DLGAP2: variants seen among roughly 807,000 people sequenced by gnomAD.
The protein encoded by DLGAP2 is disks large-associated protein 2.
In DLGAP2, 26 loss-of-function variants were observed where a neutral mutation model predicts 100.3. The observed-to-expected ratio is 0.26, with a 90% CI of 0.19 to 0.36. The LOEUF (loss-of-function observed/expected upper bound fraction) is 0.36, where lower values mean the gene tolerates loss of function less well. DLGAP2 is among the 10% of genes least tolerant of loss of function. The pLI is 1.00. For missense variants in DLGAP2, 1,858 were observed against 1,453.2 expected (o/e 1.28, Z -4.53); for synonymous variants, 886 against 630.1 (o/e 1.41, Z -6.08).
intron 3 of DLGAP2, among the ~76,000 whole-genome samples, chr8:1,448,574 G>C (rs535110374): frequency 6.6e-6 from 1 of 152,140 alleles, no homozygotes; most frequent in African/African-American, 2.4e-5. Flanking sequence ...TTGATTTGGG[G>C]TGGAGAGTTC....
chr8:1,065,918 C>CTT (rs1277672993), intron 2 of DLGAP2, among the ~76,000 whole-genome samples: 1 of 152,220 alleles, frequency 6.6e-6, no homozygotes. Flanking sequence ...GGAGAATGCT[C>CTT]TGGGCCTGAC....
intron 2 of DLGAP2, among the ~76,000 whole-genome samples, chr8:1,257,332 C>T (rs1799246301): frequency 6.6e-6 from 1 of 152,130 alleles, no homozygotes. Flanking sequence ...CCTCAGAATC[C>T]CTTGTTGCCT....
At chr8:960,123 T>C (rs1009510252) in intron 2 of DLGAP2, among the ~76,000 whole-genome samples, 2 of 152,056 alleles carry the variant, frequency 1.3e-5, no homozygotes, top group African/African-American at 4.8e-5. Context: ...CACGGTTATG[T>C]TTCCAAAGAT....
intron 2 of DLGAP2, among the ~76,000 whole-genome samples, chr8:1,252,329 G>C (rs908491353): frequency 4.2e-5 from 6 of 144,202 alleles, no homozygotes; most frequent in Non-Finnish European, 7.9e-5. Context: ...GTTGTCCTGG[G>C]TCACGGTGTC....
At chr8:1,262,986 G>T (rs1205837535) in intron 3 of DLGAP2, among the ~76,000 whole-genome samples, 1 of 152,170 alleles carries the variant, frequency 6.6e-6, no homozygotes. Flanking sequence ...GATGCCTGGT[G>T]GGGCCGGGAG....
chr8:1,250,501 A>G (rs1160663773), intron 2 of DLGAP2: 1 of 152,170 alleles, frequency 6.6e-6, no homozygotes, highest in African/African-American at 2.4e-5. Flanking sequence ...GTCTTCTCTG[A>G]GGATAGCTGA....
chr8:1,164,170 G>T (rs58364891), intron 2 of DLGAP2, among the ~76,000 whole-genome samples: 1 of 57,076 alleles, frequency 1.8e-5, no homozygotes, highest in African/African-American at 6.7e-5. Flanking sequence ...CCCAGGGCCC[G>T]TCATTTTGGT....
intron 6 of DLGAP2, among the ~76,000 whole-genome samples, chr8:1,599,981 A>G (rs1227148271): frequency 6.6e-6 from 1 of 152,092 alleles, no homozygotes; most frequent in Non-Finnish European, 1.5e-5. Context: ...GGTCTTTACA[A>G]TTTGGTATGT....
chr8:1,548,486 C>T (rs1367244226), intron 4 of DLGAP2, 140 bp from the exon 5 acceptor site: 7 of 295,810 alleles, frequency 2.4e-5, no homozygotes, highest in African/African-American at 1.4e-4. Context: ...AAAAAAAAAC[C>T]CACAAATCTG....
chr8:739,763 GT>G (rs768890141), intron 1 of DLGAP2: 2 of 152,208 alleles, frequency 1.3e-5, no homozygotes, highest in African/African-American at 2.4e-5. Flanking sequence ...CTTCTGGATG[GT>G]GTGACTTTTT....
intron 2 of DLGAP2, among the ~76,000 whole-genome samples, chr8:1,195,481 G>A (rs2116741369): frequency 6.6e-6 from 1 of 152,322 alleles, no homozygotes; most frequent in East Asian, 1.9e-4. Context: ...TTTTCAGAAA[G>A]CACTACTGAG....
chr8:914,241 G>A (rs1229487950), intron 2 of DLGAP2, among the ~76,000 whole-genome samples: 3 of 152,112 alleles, frequency 2.0e-5, no homozygotes, highest in African/African-American at 4.8e-5. Context: ...AGCGAAGGCA[G>A]ATGCCCCGGA....
intron 2 of DLGAP2, among the ~76,000 whole-genome samples, chr8:1,121,358 C>T (rs546492601): frequency 3.2e-4 from 49 of 151,838 alleles, no homozygotes; most frequent in African/African-American, 1.1e-3. Context: ...CCAGTTAGAA[C>T]CCATGACCTG....
intron 12 of DLGAP2, among the ~76,000 whole-genome samples, chr8:1,682,613 T>C (rs951246204): frequency 4.6e-5 from 7 of 151,694 alleles, no homozygotes; most frequent in African/African-American, 1.7e-4. Context: ...TAGCTGGGAC[T>C]ACAGACACGC....
chr8:1,701,293 G>T lies in DLGAP2; in HGVS notation c.3055G>T (p.Ala1019Ser). ...CCTGCCCGACAGACAACGCCAGGAA[G>T]CCCGGAGGCGCCTCATGGCCGCCAA... ...LDLPDRQRQE[A>S]RRRLMAAKRA... Residue 1019 changes from alanine (A) to serine (S), a missense_variant, in exon 15 of 15, where the codon GCC becomes TCC. Ala to Ser is a moderately conservative substitution (Grantham distance 99, BLOSUM62 1). Coordinates refer to ENST00000637795, the MANE Select transcript of DLGAP2 (RefSeq NM_001346810.2). The T allele has an allele frequency of 6.3e-7, 1 of 1,584,474 alleles. No homozygotes were observed. Among genetic ancestry groups the T allele is most frequent in the Non-Finnish European group, 8.6e-7 (1 of 1,166,074 alleles).
chr8:745,390 A>G (rs1820593047), intron 1 of DLGAP2, among the ~76,000 whole-genome samples: 1 of 152,222 alleles, frequency 6.6e-6, no homozygotes, highest in Non-Finnish European at 1.5e-5. Flanking sequence ...TTGTCACTAT[A>G]ATTAGATTCA....
At chr8:1,196,811 A>C (rs528631823) in intron 2 of DLGAP2, among the ~76,000 whole-genome samples, 48 of 152,242 alleles carry the variant, frequency 3.2e-4, no homozygotes, top group African/African-American at 1.1e-3. Flanking sequence ...CAGGGGCGGT[A>C]ACTGCTCATC....
intron 1 of DLGAP2, among the ~76,000 whole-genome samples, chr8:808,754 G>A (rs751909250): frequency 6.6e-6 from 1 of 152,196 alleles, no homozygotes; most frequent in African/African-American, 2.4e-5. Flanking sequence ...ACGCTTGTGG[G>A]AGGCACCCAC....
intron 2 of DLGAP2, among the ~76,000 whole-genome samples, chr8:1,246,380 C>G (rs567413118): frequency 1.3e-5 from 2 of 152,274 alleles, no homozygotes; most frequent in Non-Finnish European, 2.9e-5. Flanking sequence ...TTCCCATCTC[C>G]AGCTTGGCAT....
Sources: allele counts gnomAD v4.1 joint callset (sites outside exome capture counted in the v4.1 genomes callset), GRCh38; gene constraint gnomAD v4.1.1; transcripts MANE v1.5; gene names NCBI Gene and HGNC (gene_info 2026-07-23, HGNC 2026-07-21).